Variants in OPCML observed in about 807,000 individuals in gnomAD.
OPCML encodes opioid-binding protein/cell adhesion molecule.
In OPCML, 13 loss-of-function variants were observed where a neutral mutation model predicts 37.8. The ratio of observed to expected loss-of-function variants is 0.34; its 90% CI spans 0.22 to 0.55. OPCML has a LOEUF of 0.55. Ranked by LOEUF, OPCML falls within the 20% of genes least tolerant of loss-of-function variation. The probability of loss-of-function intolerance (pLI) is 0.91; values close to 1 mark genes in which losing one functional copy is unlikely to be tolerated. For synonymous variants in OPCML, 176 were observed against 168.8 expected (o/e 1.04, Z -0.33); for missense variants, 341 against 435.6 (o/e 0.78, Z 1.93).
At chr11:132,717,359 T>C (rs1363929457) in intron 2 of OPCML, among the ~76,000 whole-genome samples, 1 of 152,168 alleles carries the variant, frequency 6.6e-6, no homozygotes, top group Non-Finnish European at 1.5e-5. Flanking sequence ...CATGGCACTG[T>C]TCTAGAATAT....
rs554461791 is a variant in OPCML, at chr11:133,226,487, T to A, written c.62-283477A>T. ...TTCTTGTATCCCTGAAGGAATTCCA[T>A]CCCGACATGGCGGTCCTCTTCCCTT... is the stretch of plus-strand genomic sequence containing the variant. On this transcript the variant is annotated intron_variant, in intron 1 of 7. Transcript: ENST00000524381. Among the ~76,000 whole-genome samples, 140 of 152,358 alleles carry A rather than the reference T, an allele frequency of 9.2e-4. 1 individual carries two copies. Among genetic ancestry groups the A allele is most frequent in the African/African-American group, 3.3e-3 (136 of 41,600 alleles).
chr11:133,413,669 GCAT>G (rs1945699142), intron 1 of OPCML, among the ~76,000 whole-genome samples: 1 of 152,142 alleles, frequency 6.6e-6, no homozygotes, highest in Non-Finnish European at 1.5e-5. Flanking sequence ...GTTTTAGCCT[GCAT>G]GTCTTTCCCT....
At chr11:133,399,519 G>T (rs1471388852) in intron 1 of OPCML, among the ~76,000 whole-genome samples, 1 of 152,116 alleles carries the variant, frequency 6.6e-6, no homozygotes, top group Non-Finnish European at 1.5e-5. Flanking sequence ...CTCTCACAGT[G>T]CAGTTGCAGA....
chr11:133,398,648 G>A (rs1228651512), intron 1 of OPCML, among the ~76,000 whole-genome samples: 1 of 151,442 alleles, frequency 6.6e-6, no homozygotes, highest in Non-Finnish European at 1.5e-5. Flanking sequence ...CAAGAAATAT[G>A]CAATTTTCAA....
intron 2 of OPCML, among the ~76,000 whole-genome samples, chr11:132,757,772 C>A (rs1046822945): frequency 6.6e-6 from 1 of 152,130 alleles, no homozygotes; most frequent in Non-Finnish European, 1.5e-5. Flanking sequence ...ATGACAGTTT[C>A]TTTTGCTGTG....
At chr11:133,080,373 G>A (rs751942316) in intron 1 of OPCML, among the ~76,000 whole-genome samples, 4 of 152,080 alleles carry the variant, frequency 2.6e-5, no homozygotes, top group Non-Finnish European at 5.9e-5. Flanking sequence ...TGGCCCACAC[G>A]GTGAGTAGGA....
At chr11:132,472,288 C>A (rs2136965117) in intron 4 of OPCML, among the ~76,000 whole-genome samples, 1 of 152,268 alleles carries the variant, frequency 6.6e-6, no homozygotes, top group South Asian at 2.1e-4. Flanking sequence ...TCTGTATCAC[C>A]AGAGCCTAGC....
At chr11:132,494,919 A>G (rs1208505364) in intron 4 of OPCML, among the ~76,000 whole-genome samples, 2 of 152,132 alleles carry the variant, frequency 1.3e-5, no homozygotes, top group African/African-American at 4.8e-5. Flanking sequence ...CTTAAGACTC[A>G]ATTTCTCACA....
intron 4 of OPCML, among the ~76,000 whole-genome samples, chr11:132,519,506 A>G (rs977050811): frequency 6.6e-6 from 1 of 152,100 alleles, no homozygotes; most frequent in African/African-American, 2.4e-5. Flanking sequence ...CATAAATGGG[A>G]TTAGTTTTAA....
intron 1 of OPCML, among the ~76,000 whole-genome samples, chr11:133,472,133 T>A (rs1469739007): frequency 1.3e-5 from 2 of 152,218 alleles, no homozygotes; most frequent in African/African-American, 4.8e-5. Context: ...TAACACACTG[T>A]CTTTCAGAGA....
chr11:132,540,431 C>G (rs946641279), intron 3 of OPCML, among the ~76,000 whole-genome samples: 4 of 152,176 alleles, frequency 2.6e-5, no homozygotes, highest in Non-Finnish European at 5.9e-5. Context: ...TACAACCTCT[C>G]AGGATCCAGT....
intron 1 of OPCML, among the ~76,000 whole-genome samples, chr11:133,011,470 T>C (rs983351997): frequency 6.6e-6 from 1 of 152,190 alleles, no homozygotes; most frequent in Non-Finnish European, 1.5e-5. Context: ...CCTTTTAGGT[T>C]CCCGAGATTC....
chr11:132,709,879 A>G (rs910406947), intron 2 of OPCML, among the ~76,000 whole-genome samples: 2 of 152,144 alleles, frequency 1.3e-5, no homozygotes, highest in Non-Finnish European at 2.9e-5. Flanking sequence ...TTTACCCCCT[A>G]ATTTAAGCAT....
intron 1 of OPCML, among the ~76,000 whole-genome samples, chr11:133,330,259 A>G (rs1409330898): frequency 2.0e-5 from 3 of 152,212 alleles, no homozygotes; most frequent in Non-Finnish European, 4.4e-5. Flanking sequence ...TAGTTCAACC[A>G]ATGTGGAAGT....
At chr11:132,764,871 A>G (rs1469441993) in intron 2 of OPCML, among the ~76,000 whole-genome samples, 2 of 152,226 alleles carry the variant, frequency 1.3e-5, no homozygotes, top group Non-Finnish European at 2.9e-5. Flanking sequence ...TGCTCTGCAA[A>G]ATTCACATTC....
At chr11:132,628,999 G>C (rs910217760) in intron 3 of OPCML, among the ~76,000 whole-genome samples, 1 of 152,084 alleles carries the variant, frequency 6.6e-6, no homozygotes, top group African/African-American at 2.4e-5. Context: ...TTTATTAGCA[G>C]GATGAGAATG....
chr11:133,194,638 C>T (rs2096821), intron 1 of OPCML, among the ~76,000 whole-genome samples: 3 of 152,326 alleles, frequency 2.0e-5, no homozygotes, highest in Admixed American at 2.0e-4. Context: ...ATCTCCGATA[C>T]GTCCTTCACT....
At position 133,398,403 on chromosome 11, in the gene OPCML, C is replaced by T. The variant is rs1592264594; in HGVS notation, c.61+133861G>A. ...CACTACACTGTACACTCCTCCCAGG[C>T]AGTCAGGATATCTGTCTTCTTTATA... On this transcript the variant is annotated intron_variant, in intron 1 of 7. Transcript: ENST00000524381. Among the ~76,000 whole-genome samples the T allele has an allele frequency of 3.9e-5, 6 of 152,310 alleles. No individual in the cohort carries two copies. The South Asian group carries it at 1.2e-3, about 32-fold the overall frequency.
intron 4 of OPCML, among the ~76,000 whole-genome samples, chr11:132,443,844 C>G (rs79345045): frequency 0.027 from 4,153 of 152,298 alleles, 188 homozygotes; most frequent in East Asian, 0.17. Flanking sequence ...AATCCTATCA[C>G]TCATCTTTCT....
Sources: allele counts gnomAD v4.1 joint callset (sites outside exome capture counted in the v4.1 genomes callset), GRCh38; gene constraint gnomAD v4.1.1; transcripts MANE v1.5; gene names NCBI Gene and HGNC (gene_info 2026-07-23, HGNC 2026-07-21).